ACACA: variants seen among roughly 807,000 people sequenced by gnomAD.
The protein encoded by ACACA is acetyl-CoA carboxylase 1.
ACACA carries 103 observed loss-of-function variants against 296.1 expected under a neutral mutation model. The observed-to-expected ratio is 0.35, with a 90% CI of 0.30 to 0.41. The LOEUF (loss-of-function observed/expected upper bound fraction) is 0.41, where lower values mean the gene tolerates loss of function less well. ACACA is among the 10% of genes least tolerant of loss of function. The pLI, the probability that ACACA is intolerant of heterozygous loss-of-function variation, is 1.00. For synonymous variants in ACACA, 953 were observed against 1,038.6 expected (o/e 0.92, Z 1.58); for missense variants, 1,554 against 2,989.7 (o/e 0.52, Z 11.20).
intron 29 of ACACA, among the ~76,000 whole-genome samples, chr17:37,220,405 C>T (rs1273223430): frequency 6.6e-6 from 1 of 152,136 alleles, no homozygotes; most frequent in Admixed American, 6.6e-5. Flanking sequence ...AGGAGAACTG[C>T]CCTGAGAATT....
intron 47 of ACACA, 91 bp from the exon 48 acceptor site, chr17:37,125,885 A>C: frequency 8.6e-7 from 1 of 1,166,640 alleles, no homozygotes; most frequent in South Asian, 1.3e-5. Context: ...GGTTTGGGGG[A>C]TTATTTTGGG....
At chr17:37,250,013 T>C (rs2080907452) in intron 16 of ACACA, among the ~76,000 whole-genome samples, 1 of 152,222 alleles carries the variant, frequency 6.6e-6, no homozygotes, top group Admixed American at 6.5e-5. Flanking sequence ...CCACGAAAGA[T>C]GTGTCTTTGC....
At chr17:37,334,680 T>C (rs2048031767) in intron 2 of ACACA, among the ~76,000 whole-genome samples, 1 of 151,832 alleles carries the variant, frequency 6.6e-6, no homozygotes, top group Admixed American at 6.6e-5. Flanking sequence ...CCCTCCCTTA[T>C]CATATTTTTC....
chr17:37,384,473 C>T (rs921764220), intron 1 of ACACA, among the ~76,000 whole-genome samples: 12 of 151,884 alleles, frequency 7.9e-5, no homozygotes, highest in Non-Finnish European at 7.4e-5. Context: ...TACACACATG[C>T]TTTCTCATTT....
intron 51 of ACACA, 117 bp downstream of exon 51, chr17:37,112,971 G>T: frequency 8.0e-7 from 1 of 1,248,730 alleles, no homozygotes; most frequent in Non-Finnish European, 1.1e-6. Context: ...AAAAAGCTTT[G>T]GTTTGGAATC....
At position 37,248,038 on chromosome 17, in the gene ACACA, G is replaced by A; in HGVS notation, c.2282C>T (p.Thr761Ile). The A allele has an allele frequency of 6.2e-7, 1 of 1,614,124 alleles. No homozygotes were observed. Among genetic ancestry groups the A allele is most frequent in the Non-Finnish European group, 8.5e-7 (1 of 1,180,024 alleles). ...ATCCACTTCCTCTTTCATATACGTA[G>A]TATAACTGCTGCCATCATAGGACAA... Reference protein sequence around the residue: ...LLLSYDGSSYTTYMKEEVDRY... With the variant: ...LLLSYDGSSYITYMKEEVDRY... Residue 761 changes from threonine (T) to isoleucine (I), a missense_variant, in exon 18 of 56, where the codon ACT becomes ATT. By Grantham distance (89) the Thr-to-Ile change is moderately conservative. Around this residue, in one of 16 missense-constraint regions of ACACA, gnomAD observed 316 missense variants for 540.9 expected, o/e 0.58. Coordinates refer to ENST00000616317, the MANE Select transcript of ACACA (RefSeq NM_198834.3).
intron 54 of ACACA, among the ~76,000 whole-genome samples, chr17:37,094,913 A>G (rs2072891199): frequency 6.6e-6 from 1 of 152,380 alleles, no homozygotes; most frequent in African/African-American, 2.4e-5. Flanking sequence ...CTACTGAGCT[A>G]CGGGGTGGGG....
At chr17:37,296,020 G>A (rs969904630) in intron 3 of ACACA, among the ~76,000 whole-genome samples, 2 of 152,176 alleles carry the variant, frequency 1.3e-5, no homozygotes, top group Admixed American at 1.3e-4. Context: ...CCACTCAAGG[G>A]TCTGGTTACA....
intron 52 of ACACA, among the ~76,000 whole-genome samples, chr17:37,109,739 T>C (rs2073881259): frequency 6.6e-6 from 1 of 152,214 alleles, no homozygotes; most frequent in Admixed American, 6.5e-5. Context: ...ATCACTTTCC[T>C]TGAAGAGAAA....
At chr17:37,362,800 C>A (rs1164780166) in intron 1 of ACACA, among the ~76,000 whole-genome samples, 3 of 151,972 alleles carry the variant, frequency 2.0e-5, no homozygotes, top group Non-Finnish European at 2.9e-5. Flanking sequence ...GTGGTGAAAC[C>A]CCGTCTCTAC....
chr17:37,121,609 C>G (rs2074530499), intron 49 of ACACA, 119 bp from the exon 50 acceptor site: 1 of 1,274,924 alleles, frequency 7.8e-7, no homozygotes, highest in Non-Finnish European at 1.1e-6. Context: ...TCAACAAAAA[C>G]TATTGTTCAT....
At chr17:37,243,306 G>A (rs1009379522) in intron 22 of ACACA, 65 bp downstream of exon 22, 42 of 1,496,652 alleles carry the variant, frequency 2.8e-5, no homozygotes, top group Non-Finnish European at 3.7e-5. Context: ...AAATAGGAAG[G>A]AATCCTACAA....
chr17:37,143,542 T>C, intron 45 of ACACA: 1 of 506,918 alleles, frequency 2.0e-6, no homozygotes. Context: ...GTGTTAACTA[T>C]ACAAAAGAAG....
chr17:37,088,139 G>A (rs2072347027), intron 55 of ACACA, among the ~76,000 whole-genome samples: 1 of 152,124 alleles, frequency 6.6e-6, no homozygotes, highest in African/African-American at 2.4e-5. Context: ...ATCATGGGGA[G>A]ACATCAGACA....
intron 41 of ACACA, among the ~76,000 whole-genome samples, chr17:37,177,088 C>T (rs1351406568): frequency 6.6e-6 from 1 of 152,048 alleles, no homozygotes; most frequent in Non-Finnish European, 1.5e-5. Context: ...TGAAGAAATA[C>T]TATTCACTTT....
chr17:37,127,868 A>T (rs977818410), intron 47 of ACACA, among the ~76,000 whole-genome samples: 13 of 150,780 alleles, frequency 8.6e-5, no homozygotes, highest in Non-Finnish European at 1.6e-4. Flanking sequence ...AAAAAGAAAA[A>T]AAAAAAGACT....
At chr17:37,161,176 A>G (rs1344394227) in intron 42 of ACACA, among the ~76,000 whole-genome samples, 2 of 152,246 alleles carry the variant, frequency 1.3e-5, no homozygotes, top group Non-Finnish European at 2.9e-5. Context: ...ATCAGGAAAC[A>G]CAAGGAGCAG....
intron 11 of ACACA, among the ~76,000 whole-genome samples, chr17:37,260,274 ATATATATATATATATATATATATTTTT>A (rs1340627403): frequency 4.7e-4 from 13 of 27,844 alleles, no homozygotes; most frequent in African/African-American, 2.5e-3. Context: ...ATATATATAT[ATATATATATATATATATATATATTTTT>A]TTTTTTTTTT....
At chr17:37,156,919 G>A (rs1366469772) in intron 42 of ACACA, among the ~76,000 whole-genome samples, 1 of 152,220 alleles carries the variant, frequency 6.6e-6, no homozygotes, top group African/African-American at 2.4e-5. Context: ...AGCACTGAGT[G>A]TCATTAGTAT....
Sources: gnomAD v4.1 joint callset for allele counts (sites outside exome capture counted in the v4.1 genomes callset) on GRCh38, gnomAD v4.1.1 for gene constraint, gnomAD v4.1.1 regional missense constraint, MANE v1.5 for transcripts, NCBI Gene and HGNC (gene_info 2026-07-23, HGNC 2026-07-21) for gene names.